The following KCND3 variants were observed in gnomAD, a reference collection of about 807,000 sequenced individuals.
The protein encoded by KCND3 is potassium voltage-gated channel subfamily D member 3.
A neutral mutation model predicts 51.1 loss-of-function variants in KCND3; 9 were observed. The ratio of observed to expected loss-of-function variants is 0.18; its 90% CI spans 0.11 to 0.31. The LOEUF (loss-of-function observed/expected upper bound fraction) is 0.31. Among genes scored for constraint, KCND3 ranks in the 10% least tolerant of loss-of-function variants. The probability of loss-of-function intolerance (pLI) is 1.00; values close to 1 mark genes in which losing one functional copy is unlikely to be tolerated. For synonymous variants in KCND3, 349 were observed against 368.0 expected (o/e 0.95, Z 0.59); for missense variants, 526 against 903.8 (o/e 0.58, Z 5.36).
chr1:111,917,605 G>A (rs191886995), intron 2 of KCND3, among the ~76,000 whole-genome samples: 81 of 152,280 alleles, frequency 5.3e-4, no homozygotes, highest in Non-Finnish European at 9.6e-4. Context: ...ATTGGAAGAC[G>A]GGGAAAAATG....
intron 2 of KCND3, among the ~76,000 whole-genome samples, chr1:111,817,167 T>A (rs556962664): frequency 3.1e-4 from 44 of 142,022 alleles, no homozygotes; most frequent in African/African-American, 1.1e-3. Context: ...TGGAAAAATA[T>A]CTAATTTCAC....
At chr1:111,938,731 C>A (rs1282498466) in intron 2 of KCND3, among the ~76,000 whole-genome samples, 1 of 152,178 alleles carries the variant, frequency 6.6e-6, no homozygotes, top group African/African-American at 2.4e-5. Context: ...AGAAGAACAG[C>A]AGGGAGGCCG....
intron 2 of KCND3, among the ~76,000 whole-genome samples, chr1:111,807,318 G>A (rs1286259014): frequency 6.6e-6 from 1 of 152,230 alleles, no homozygotes; most frequent in Non-Finnish European, 1.5e-5. Flanking sequence ...CCTTTTCTAT[G>A]TTTAGATAGG....
In KCND3 at chr1:111,981,614, G is replaced by T; in HGVS notation, c.1106+7C>A. On this transcript the variant is annotated splice_region_variant and intron_variant, in intron 2 of 7. Transcript: ENST00000302127. The surrounding 1 kb of genome is among the most constrained non-coding windows in gnomAD (Gnocchi z 6.2). ...CGTCCTGGTTTCATCCACCAGCGCT[G>T]ACTTACCCCAGTGTGGTCATGGTGA... 2 of 1,614,088 alleles carry T rather than the reference G, an allele frequency of 1.2e-6. No homozygotes were observed. Among genetic ancestry groups the T allele is most frequent in the South Asian group, 2.2e-5 (2 of 91,030 alleles).
chr1:111,895,095 A>G (rs1670035449), intron 2 of KCND3, among the ~76,000 whole-genome samples: 1 of 139,606 alleles, frequency 7.2e-6, no homozygotes, highest in Non-Finnish European at 1.5e-5. Context: ...ACAGGGTGAG[A>G]GGAAAAGGAG....
At chr1:111,883,797 C>T (rs946388443) in intron 2 of KCND3, among the ~76,000 whole-genome samples, 11 of 152,178 alleles carry the variant, frequency 7.2e-5, no homozygotes, top group African/African-American at 2.7e-4. Context: ...GATATTGGTG[C>T]TAGGATATGA....
At chr1:111,866,547 G>C (rs984561899) in intron 2 of KCND3, among the ~76,000 whole-genome samples, 37 of 150,702 alleles carry the variant, frequency 2.5e-4, no homozygotes, top group African/African-American at 8.8e-4. Context: ...TTATAGGCAT[G>C]AGCCACTGTG....
intron 7 of KCND3, among the ~76,000 whole-genome samples, chr1:111,776,504 A>AC (rs1231956000): frequency 1.3e-5 from 2 of 151,902 alleles, no homozygotes; most frequent in African/African-American, 4.8e-5. Context: ...AATGTACATC[A>AC]CCCCCACCAG....
chr1:111,941,550 C>T (rs1672522924), intron 2 of KCND3, among the ~76,000 whole-genome samples: 1 of 152,208 alleles, frequency 6.6e-6, no homozygotes, highest in Non-Finnish European at 1.5e-5. Context: ...AAACTTCTCT[C>T]CCATCCCTTC....
At chr1:111,808,614 T>C (rs950930425) in intron 2 of KCND3, among the ~76,000 whole-genome samples, 4 of 152,186 alleles carry the variant, frequency 2.6e-5, no homozygotes, top group African/African-American at 9.7e-5. Context: ...AATACCTCAG[T>C]GTTCATGGTA....
At chr1:111,871,434 A>T (rs1189779442) in intron 2 of KCND3, among the ~76,000 whole-genome samples, 1 of 152,202 alleles carries the variant, frequency 6.6e-6, no homozygotes, top group Non-Finnish European at 1.5e-5. Context: ...TAGGTCCTAG[A>T]GAGAGGCAAG....
At chr1:111,912,045 G>A (rs1670975649) in intron 2 of KCND3, among the ~76,000 whole-genome samples, 1 of 152,218 alleles carries the variant, frequency 6.6e-6, no homozygotes, top group Non-Finnish European at 1.5e-5. Context: ...CACTTAAAGA[G>A]CTTTGCCAAA....
At position 111,775,819 on chromosome 1, in the gene KCND3, A is replaced by ATC; in HGVS notation, c.*257_*258insGA. On this transcript the variant is annotated 3_prime_UTR_variant, in exon 8 of 8. Coordinates refer to ENST00000302127, the MANE Select transcript of KCND3 (RefSeq NM_001378969.1). ...GCCTATATCCCCCGGCCTATCCCCG[A>ATC]CCCCCCCACCCTCCCTCCCTTCCTC... 1 of 97,706 alleles carries ATC rather than the reference A, an allele frequency of 1.0e-5. No individual in the cohort carries two copies. Among genetic ancestry groups the ATC allele is most frequent in the East Asian group, 3.1e-4 (1 of 3,202 alleles). 6.1% of individuals were successfully genotyped at this position (97,706 alleles called of 1,614,324 possible).
At chr1:111,974,517 C>T (rs1992584) in intron 2 of KCND3, among the ~76,000 whole-genome samples, 1 of 152,152 alleles carries the variant, frequency 6.6e-6, no homozygotes, top group South Asian at 2.1e-4. Context: ...AGACTCAGAG[C>T]TAAAAGTCTC....
chr1:111,971,791 A>G (rs915723624), intron 2 of KCND3, among the ~76,000 whole-genome samples: 3 of 152,062 alleles, frequency 2.0e-5, no homozygotes, highest in African/African-American at 7.2e-5. Flanking sequence ...TCCAACCTCC[A>G]TACCTCTACT....
chr1:111,952,332 A>C (rs1476656506), intron 2 of KCND3, among the ~76,000 whole-genome samples: 1 of 152,104 alleles, frequency 6.6e-6, no homozygotes, highest in Non-Finnish European at 1.5e-5. Flanking sequence ...GCTGACCTGG[A>C]AGCCTCTTCC....
At position 111,981,683 on chromosome 1, in the gene KCND3, G is replaced by A. The variant is rs1008586654; in HGVS notation, c.1044C>T (p.Ala348=). 3.1e-6 allele frequency: 5 copies of A among 1,614,150 alleles called. No individual in the cohort carries two copies. Among genetic ancestry groups the A allele is most frequent in the Middle Eastern group, 1.6e-4 (1 of 6,062 alleles). ...VMFYAEKGSS[A]SKFTSIPASF... ...AGGCAGGGATGCTTGTGAACTTGCT[G>A]GCCGAGGAGCCCTTCTCGGCATAAA... The change falls in exon 2 of 8, where the codon GCC becomes GCT. Residue 348 remains alanine, a synonymous_variant. Transcript: ENST00000302127. This position sits in a 1 kb window ranked among gnomAD's most constrained non-coding sequence, Gnocchi z 6.2.
At chr1:111,919,261 G>A (rs56123345) in intron 2 of KCND3, among the ~76,000 whole-genome samples, 10,015 of 150,828 alleles carry the variant, frequency 0.066, 397 homozygotes, top group Non-Finnish European at 0.095. Context: ...ATAAATATAG[G>A]TAACGATAGG....
Position 111,989,645 on chromosome 1 carries a change from C to G in KCND3, c.-213G>C, listed in dbSNP as rs1479848591. On this transcript the variant is annotated 5_prime_UTR_variant, in exon 1 of 8. Transcript: ENST00000302127. The stretch of plus-strand genomic sequence containing the variant: ...GCAGCCGCCGCTCGCGCGGCTCCTC[C>G]TCGCCAGCGCAGTCTCGCTCGCTGC... 1 of 148,480 alleles carries G rather than the reference C, an allele frequency of 6.7e-6. No homozygotes were observed. Among genetic ancestry groups the G allele is most frequent in the Non-Finnish European group, 1.5e-5 (1 of 66,232 alleles). The allele number at this position is 148,480 out of a possible 1,614,324, so 9.2% of individuals were successfully genotyped here.
Sources: gnomAD v4.1 joint callset for allele counts (sites outside exome capture counted in the v4.1 genomes callset) on GRCh38, gnomAD v4.1.1 for gene constraint, Gnocchi (gnomAD v3.1) non-coding constraint, MANE v1.5 for transcripts, NCBI Gene and HGNC (gene_info 2026-07-23, HGNC 2026-07-21) for gene names.